The following DCAF8 variants were observed in gnomAD, a reference collection of about 807,000 sequenced individuals.
DCAF8 encodes DDB1- and CUL4-associated factor 8.
DCAF8 carries 20 observed loss-of-function variants against 68.0 expected under a neutral mutation model. The observed-to-expected ratio is 0.29, with a 90% confidence interval of 0.21 to 0.43. The LOEUF is 0.43. Ranked by LOEUF, DCAF8 falls within the 20% of genes least tolerant of loss-of-function variation. DCAF8 has a pLI of 1.00. For missense variants in DCAF8, 460 were observed against 771.0 expected (o/e 0.60, Z 4.78); for synonymous variants, 230 against 276.9 (o/e 0.83, Z 1.68).
intron 2 of DCAF8, among the ~76,000 whole-genome samples, chr1:160,247,200 TTTAA>T (rs1230014643): frequency 6.6e-6 from 1 of 151,706 alleles, no homozygotes; most frequent in African/African-American, 2.4e-5. Context: ...GTTGGAGGAG[TTTAA>T]TTAGATTAGC....
At chr1:160,252,626 G>T (rs548144955) in intron 2 of DCAF8, among the ~76,000 whole-genome samples, 1 of 152,300 alleles carries the variant, frequency 6.6e-6, no homozygotes, top group African/African-American at 2.4e-5. Flanking sequence ...TAATAAGATG[G>T]ACTGAAATGA....
chr1:160,225,818 C>T (rs933435161), intron 7 of DCAF8, among the ~76,000 whole-genome samples, 155 bp from the exon 8 acceptor site: 1 of 152,132 alleles, frequency 6.6e-6, no homozygotes, highest in Non-Finnish European at 1.5e-5. Flanking sequence ...TAAAGGGCAT[C>T]CCTTTTCCAA....
At chr1:160,218,493 A>C in intron 12 of DCAF8, 53 bp from the exon 13 acceptor site, 1 of 1,351,920 alleles carries the variant, frequency 7.4e-7, no homozygotes, top group Non-Finnish European at 1.1e-6. Flanking sequence ...GGAACCCGGG[A>C]CCTGATCAAG....
At position 160,262,434 on chromosome 1, in the gene DCAF8, C is replaced by A. The variant is rs1657143459; in HGVS notation, c.-101+15G>T. The A allele has an allele frequency of 5.0e-6, 2 of 400,918 alleles. No homozygotes were observed. The allele number at this position is 400,918 out of a possible 1,614,324, so 24.8% of individuals were successfully genotyped here. A position where few individuals can be genotyped will look rare whatever the true frequency, so the allele number is the denominator to read the frequency against. ...GCCCCGTCCACTGCCACCACCAACG[C>A]CGCCGCCATCTTACACTGGCCAGCG... On this transcript the variant is annotated intron_variant, in intron 1 of 13. Transcript: ENST00000368074.
rs776167874 is a variant in DCAF8 at position 160,239,917 on chromosome 1, C to G, written c.503G>C (p.Arg168Pro). 6.2e-7 allele frequency: 1 copy of G among 1,614,230 alleles called. No individual in the cohort carries two copies. Among genetic ancestry groups the G allele is most frequent in the Admixed American group, 1.7e-5 (1 of 60,032 alleles). The change falls in exon 4 of 14, where the codon CGC becomes CCC. Residue 168 changes from arginine to proline, a missense_variant. Around this residue, in one of 8 missense-constraint regions of DCAF8, gnomAD observed 170 missense variants for 318.2 expected, o/e 0.53. Transcript: ENST00000368074. ...TGCCCCACAGGCCTCATAGACAAAG[C>G]GGGCACTTGAACCCAGCTCCCGCTC... is the stretch of plus-strand genomic sequence containing the variant. ...LRERELGSSA[R>P]FVYEACGARV...
intron 2 of DCAF8, among the ~76,000 whole-genome samples, chr1:160,248,869 G>A (rs60934968): frequency 0.014 from 2,106 of 151,346 alleles, 57 homozygotes; most frequent in African/African-American, 0.048. Context: ...CTGCACTCCA[G>A]TCTACGCAAC....
At chr1:160,244,073 A>G in intron 2 of DCAF8, 39 bp from the exon 3 acceptor site, 1 of 1,466,304 alleles carries the variant, frequency 6.8e-7, no homozygotes, top group Middle Eastern at 1.7e-4. Flanking sequence ...CAATTAGGAA[A>G]CCACCTGGGA....
chr1:160,239,316 C>A, intron 4 of DCAF8: 1 of 1,189,016 alleles, frequency 8.4e-7, no homozygotes, highest in Non-Finnish European at 1.1e-6. Context: ...TGTTATTAGT[C>A]CCATTTTACA....
rs757195407 is a variant in DCAF8 at position 160,239,065 on chromosome 1, T to TAA, written c.724-319_724-318insTT. 1.6e-4 allele frequency: 117 copies of TAA among 713,686 alleles called. 1 individual carries two copies. The highest frequency in any genetic ancestry group is 2.0e-4 in the Non-Finnish European group (114 of 563,324). 44.2% of individuals were successfully genotyped at this position (713,686 alleles called of 1,614,324 possible). A position where few individuals can be genotyped will look rare whatever the true frequency, so the allele number is the denominator to read the frequency against. ...AGGAATAGAGGAGGAAAAATCTACT[T>TAA]TGATTAAGAAAGTAAATATAAATTT... On this transcript the variant is annotated intron_variant, in intron 4 of 13. Coordinates refer to ENST00000368074, the MANE Select transcript of DCAF8 (RefSeq NM_015726.4).
At chr1:160,218,585 C>A in intron 12 of DCAF8, 145 bp from the exon 13 acceptor site, 1 of 791,284 alleles carries the variant, frequency 1.3e-6, no homozygotes, top group East Asian at 2.5e-5. Context: ...GCCCTAGGTT[C>A]AGCTGCTGAA....
At chr1:160,223,472 G>C (rs1655364611) in intron 10 of DCAF8, among the ~76,000 whole-genome samples, 1 of 152,074 alleles carries the variant, frequency 6.6e-6, no homozygotes. Flanking sequence ...TGCTAGGAGT[G>C]GTAACAATAG....
At chr1:160,251,869 G>A (rs1656613527) in intron 2 of DCAF8, among the ~76,000 whole-genome samples, 1 of 152,196 alleles carries the variant, frequency 6.6e-6, no homozygotes, top group Admixed American at 6.5e-5. Context: ...TGGTAGGTAG[G>A]ACTTTAGTTC....
chr1:160,262,044 A>G (rs1657116326), intron 1 of DCAF8: 1 of 293,856 alleles, frequency 3.4e-6, no homozygotes, highest in South Asian at 1.6e-4. Flanking sequence ...GAGCGCACAC[A>G]TGGGTCACCC....
At chr1:160,231,962 G>A (rs747023858) in intron 6 of DCAF8, among the ~76,000 whole-genome samples, 29 of 152,142 alleles carry the variant, frequency 1.9e-4, no homozygotes, top group East Asian at 7.7e-4. Flanking sequence ...AGACTGAGGC[G>A]GGTGGGTCAC....
intron 12 of DCAF8, 130 bp downstream of exon 12, chr1:160,218,719 G>T: frequency 7.3e-7 from 1 of 1,371,444 alleles, no homozygotes; most frequent in Non-Finnish European, 1.0e-6. Flanking sequence ...GAAATTACAG[G>T]AATGTGGGGG....
At chr1:160,237,052 C>A in intron 6 of DCAF8, 83 bp downstream of exon 6, 2 of 968,058 alleles carry the variant, frequency 2.1e-6, no homozygotes, top group Non-Finnish European at 3.1e-6. Context: ...TCGGATGAAC[C>A]AGAGTTAGGC....
intron 8 of DCAF8, 85 bp from the exon 9 acceptor site, chr1:160,225,204 C>T (rs1309658612): frequency 8.0e-7 from 1 of 1,246,520 alleles, no homozygotes; most frequent in Non-Finnish European, 1.1e-6. Flanking sequence ...CTTCAAACTC[C>T]CCTATATCTT....
At chr1:160,259,161 G>A (rs552338394) in intron 2 of DCAF8, among the ~76,000 whole-genome samples, 49 of 152,266 alleles carry the variant, frequency 3.2e-4, no homozygotes, top group Middle Eastern at 3.4e-3. Flanking sequence ...AAAAAGATAC[G>A]AAAGAAAAGC....
rs202082974 is a variant in DCAF8 at position 160,217,534 on chromosome 1, G to T, written c.*58C>A. On this transcript the variant is annotated 3_prime_UTR_variant, in exon 14 of 14. Coordinates refer to ENST00000368074, the MANE Select transcript of DCAF8 (RefSeq NM_015726.4). Reference sequence around the variant, plus strand: ...GAATGTAGGGCCTGGGACAGGAAAGGGTTGCCCAGGCAGGATCAGGTTGGC... The same window carrying T: ...GAATGTAGGGCCTGGGACAGGAAAGTGTTGCCCAGGCAGGATCAGGTTGGC... The T allele has an allele frequency of 2.5e-4, 329 of 1,307,312 alleles. No homozygotes were observed. Among genetic ancestry groups the T allele is most frequent in the Middle Eastern group, 1.9e-3 (9 of 4,808 alleles). The allele number at this position is 1,307,312 out of a possible 1,614,324, so 81.0% of individuals were successfully genotyped here.
Sources: gnomAD v4.1 joint callset for allele counts (sites outside exome capture counted in the v4.1 genomes callset) on GRCh38, gnomAD v4.1.1 for gene constraint, gnomAD v4.1.1 regional missense constraint, MANE v1.5 for transcripts, NCBI Gene and HGNC (gene_info 2026-07-23, HGNC 2026-07-21) for gene names.